The following CLASP1 variants were observed in gnomAD, a reference collection of about 807,000 sequenced individuals.
CLASP1 encodes cytoplasmic linker associated protein 1.
A neutral mutation model predicts 192.3 loss-of-function variants in CLASP1; 38 were observed. The ratio of observed to expected loss-of-function variants is 0.20; its 90% CI spans 0.15 to 0.26. The LOEUF (loss-of-function observed/expected upper bound fraction) is 0.26. CLASP1 is among the 10% of genes least tolerant of loss of function. The probability of loss-of-function intolerance (pLI) is 1.00; values close to 1 mark genes in which losing one functional copy is unlikely to be tolerated. For missense variants in CLASP1, 1,433 were observed against 1,932.5 expected, an observed-to-expected ratio of 0.74 and a Z score of 4.85; for synonymous variants, 691 against 712.8, an observed-to-expected ratio of 0.97 and a Z score of 0.49.
At chr2:121,633,256 T>C (rs560013818) in intron 1 of CLASP1, among the ~76,000 whole-genome samples, 1 of 152,234 alleles carries the variant, frequency 6.6e-6, no homozygotes, top group African/African-American at 2.4e-5. Flanking sequence ...AACTATAATA[T>C]ACTTACATTC....
intron 14 of CLASP1, among the ~76,000 whole-genome samples, chr2:121,456,528 A>G (rs1403502278): frequency 6.6e-6 from 1 of 151,592 alleles, no homozygotes; most frequent in Non-Finnish European, 1.5e-5. Context: ...AGGAAAAAGG[A>G]AAGAAAAGGA....
At chr2:121,348,028 G>A (rs1205495032) in intron 38 of CLASP1, among the ~76,000 whole-genome samples, 2 of 147,584 alleles carry the variant, frequency 1.4e-5, no homozygotes, top group East Asian at 2.0e-4. Flanking sequence ...TGGCTGCAGA[G>A]TAGGCTGAAA....
At chr2:121,474,192 A>C (rs1487755415) in intron 8 of CLASP1, among the ~76,000 whole-genome samples, 1 of 152,150 alleles carries the variant, frequency 6.6e-6, no homozygotes, top group Non-Finnish European at 1.5e-5. Context: ...CCTGGGGGCC[A>C]GAGGAACCAA....
At chr2:121,530,179 C>T in intron 3 of CLASP1, 68 bp downstream of exon 3, 2 of 1,392,728 alleles carry the variant, frequency 1.4e-6, no homozygotes, top group Non-Finnish European at 2.0e-6. Flanking sequence ...GGTTTGGGAG[C>T]CGGGGAGGCC....
At chr2:121,540,382 A>G (rs2095203998) in intron 2 of CLASP1, among the ~76,000 whole-genome samples, 1 of 152,228 alleles carries the variant, frequency 6.6e-6, no homozygotes, top group Non-Finnish European at 1.5e-5. Flanking sequence ...TGGTGTCTAC[A>G]GTCCCAGCTA....
chr2:121,602,754 T>C (rs1024995148), intron 2 of CLASP1, among the ~76,000 whole-genome samples: 2 of 152,138 alleles, frequency 1.3e-5, no homozygotes, highest in Non-Finnish European at 1.5e-5. Context: ...TGGATATCCA[T>C]ATGCAGAAGA....
At chr2:121,435,215 G>GA (rs1390393790) in intron 19 of CLASP1, among the ~76,000 whole-genome samples, 1 of 152,128 alleles carries the variant, frequency 6.6e-6, no homozygotes, top group Admixed American at 6.5e-5. Context: ...AATCAAGTAT[G>GA]ACAATCTTTC....
chr2:121,624,631 G>A (rs543889159), intron 1 of CLASP1, among the ~76,000 whole-genome samples: 2 of 152,146 alleles, frequency 1.3e-5, no homozygotes, highest in East Asian at 3.9e-4. Flanking sequence ...TGGCCAGGCT[G>A]GTCTTGAACT....
chr2:121,458,841 C>T (rs752601023), exon 13 of CLASP1: 43 of 1,603,714 alleles, frequency 2.7e-5, no homozygotes, highest in Non-Finnish European at 3.4e-5. Context: ...CATACTTACC[C>T]GAATAATTAA....
At chr2:121,363,620 G>A (rs1471559348) in intron 36 of CLASP1, among the ~76,000 whole-genome samples, 3 of 152,332 alleles carry the variant, frequency 2.0e-5, no homozygotes, top group Non-Finnish European at 4.4e-5. Context: ...TTCATTATCA[G>A]TTTTCTGGGG....
intron 37 of CLASP1, among the ~76,000 whole-genome samples, chr2:121,362,936 G>A (rs1416571394): frequency 6.6e-6 from 1 of 152,224 alleles, no homozygotes; most frequent in Admixed American, 6.5e-5. Flanking sequence ...GGCAGGGCAG[G>A]CCTGCTGGAA....
intron 1 of CLASP1, among the ~76,000 whole-genome samples, chr2:121,615,065 C>T (rs1179603807): frequency 6.6e-6 from 1 of 152,210 alleles, no homozygotes; most frequent in Non-Finnish European, 1.5e-5. Context: ...GGTGGCCAGG[C>T]CCAGTGGCTC....
chr2:121,589,076 G>A (rs879025293), intron 2 of CLASP1, among the ~76,000 whole-genome samples: 1 of 152,136 alleles, frequency 6.6e-6, no homozygotes. Context: ...AGAGAGGCCT[G>A]CATCCAAAAA....
At chr2:121,401,143 T>C (rs2076106119) in intron 28 of CLASP1, among the ~76,000 whole-genome samples, 1 of 152,234 alleles carries the variant, frequency 6.6e-6, no homozygotes, top group Non-Finnish European at 1.5e-5. Flanking sequence ...TAGAAAAATT[T>C]CTAGTAAGAC....
chr2:121,638,439 T>C (rs577885481), intron 1 of CLASP1, among the ~76,000 whole-genome samples: 85 of 152,170 alleles, frequency 5.6e-4, no homozygotes, highest in Middle Eastern at 6.8e-3. Flanking sequence ...AGTTACAACA[T>C]AGAATCACCC....
chr2:121,646,077 C>T (rs1273895962), intron 1 of CLASP1, among the ~76,000 whole-genome samples: 1 of 152,128 alleles, frequency 6.6e-6, no homozygotes, highest in Non-Finnish European at 1.5e-5. Context: ...TTCTACTTCG[C>T]TTAGTTTTTG....
chr2:121,557,400 A>G (rs928544479), intron 2 of CLASP1, among the ~76,000 whole-genome samples: 5 of 152,228 alleles, frequency 3.3e-5, no homozygotes, highest in African/African-American at 9.6e-5. Flanking sequence ...CCTGGCCAAC[A>G]TGGTGAAACC....
chr2:121,544,758 A>G (rs2095297610), intron 2 of CLASP1, among the ~76,000 whole-genome samples: 2 of 152,168 alleles, frequency 1.3e-5, no homozygotes, highest in South Asian at 4.1e-4. Flanking sequence ...AAGAAAATAA[A>G]CCAAAAAAGT....
At chr2:121,418,554 C>G in intron 23 of CLASP1, 68 bp downstream of exon 23, 1 of 1,080,682 alleles carries the variant, frequency 9.3e-7, no homozygotes, top group Non-Finnish European at 1.4e-6. Context: ...GTCATTCCGC[C>G]TAGCAGTGTC....
Sources: allele counts gnomAD v4.1 joint callset (sites outside exome capture counted in the v4.1 genomes callset), GRCh38; gene constraint gnomAD v4.1.1; transcripts MANE v1.5; gene names NCBI Gene and HGNC (gene_info 2026-07-23, HGNC 2026-07-21).